Variants in TAF3 observed in about 807,000 individuals in gnomAD.
TAF3 encodes TATA-box binding protein associated factor 3.
TAF3 carries 7 observed loss-of-function variants against 80.6 expected under a neutral mutation model. The ratio of observed to expected loss-of-function variants is 0.09; its 90% CI spans 0.05 to 0.16. TAF3 has a LOEUF of 0.16. Ranked by LOEUF, TAF3 falls within the 10% of genes least tolerant of loss-of-function variation. TAF3 has a pLI of 1.00. For synonymous variants in TAF3, 444 were observed against 446.1 expected (o/e 1.00, Z 0.06); for missense variants, 921 against 1,140.2 (o/e 0.81, Z 2.77).
chr10:7,966,935 A>G (rs1253296268), intron 3 of TAF3, among the ~76,000 whole-genome samples: 1 of 152,238 alleles, frequency 6.6e-6, no homozygotes, highest in East Asian at 1.9e-4. Context: ...ACAGAAATCC[A>G]ACTCTTATTT....
chr10:7,830,098 T>C (rs1034170840), intron 2 of TAF3, among the ~76,000 whole-genome samples: 1 of 152,130 alleles, frequency 6.6e-6, no homozygotes, highest in African/African-American at 2.4e-5. Flanking sequence ...TCTTCCCGTG[T>C]GACCTTTTGC....
rs536034644 is a variant in TAF3 at position 7,963,654 on chromosome 10, T to C, written c.410-266T>C. Reference sequence around the variant, plus strand: ...GAGGGGAACATCACACATCGGCACCTGTTGGGAGGTCGGGGGCTGGGGGAG... The same window carrying C: ...GAGGGGAACATCACACATCGGCACCCGTTGGGAGGTCGGGGGCTGGGGGAG... On this transcript the variant is annotated intron_variant, in intron 2 of 6. Transcript: ENST00000344293. 1.4e-4 allele frequency among the ~76,000 whole-genome samples: 22 copies of C among 152,054 alleles called. No homozygotes were observed. The South Asian group carries it at 4.6e-3, about 32-fold the overall frequency.
chr10:7,839,643 G>A (rs1052311380), intron 2 of TAF3, among the ~76,000 whole-genome samples: 1 of 152,176 alleles, frequency 6.6e-6, no homozygotes, highest in East Asian at 1.9e-4. Context: ...TTGTATTGTG[G>A]CTCTTCGTTT....
At position 8,009,199 on chromosome 10, in the gene TAF3, G is replaced by A; in HGVS notation, c.2437G>A (p.Val813Met). 2 of 1,454,060 alleles carry A rather than the reference G, an allele frequency of 1.4e-6. No individual in the cohort carries two copies. The highest frequency in any genetic ancestry group is 1.8e-6 in the Non-Finnish European group (2 of 1,103,588). The allele number at this position is 1,454,060 out of a possible 1,614,324, so 90.1% of individuals were successfully genotyped here. A position where few individuals can be genotyped will look rare whatever the true frequency, so the allele number is the denominator to read the frequency against. Reference sequence around the variant, plus strand: ...CCCCATGCTCGTCAGCCCTGCGCCCGTGCCGCTGCCGCTGCTCGCCCAGGC... The same window carrying A: ...CCCCATGCTCGTCAGCCCTGCGCCCATGCCGCTGCCGCTGCTCGCCCAGGC... ...PGPMLVSPAPVPLPLLAQAAA... is the reference protein window; with the variant it reads ...PGPMLVSPAPMPLPLLAQAAA... The change falls in exon 5 of 7, where the codon GTG becomes ATG. Residue 813 changes from valine (V) to methionine (M), a missense_variant. Physicochemically the swap from Val to Met is conservative, Grantham distance 21. Around this residue, in one of 6 missense-constraint regions of TAF3, gnomAD observed 743 missense variants for 821.0 expected, o/e 0.90. Coordinates refer to ENST00000344293, the MANE Select transcript of TAF3 (RefSeq NM_031923.4). The surrounding 1 kb of genome is among the most constrained non-coding windows in gnomAD (Gnocchi z 4.1).
chr10:7,829,029 C>CAAAAAAA (rs59969868), intron 2 of TAF3, among the ~76,000 whole-genome samples: 3 of 66,808 alleles, frequency 4.5e-5, no homozygotes, highest in Non-Finnish European at 5.0e-5. Context: ...GACTCCGTCT[C>CAAAAAAA]AAAAAAAAAA....
chr10:7,941,090 T>A (rs1305278649), intron 2 of TAF3, among the ~76,000 whole-genome samples: 1 of 152,078 alleles, frequency 6.6e-6, no homozygotes, highest in Non-Finnish European at 1.5e-5. Context: ...GAGTAAAAGT[T>A]AGGTTGGAAA....
chr10:7,847,883 G>T (rs1164478623), intron 2 of TAF3, among the ~76,000 whole-genome samples: 1 of 152,034 alleles, frequency 6.6e-6, no homozygotes, highest in Non-Finnish European at 1.5e-5. Flanking sequence ...TTCTCCTGAG[G>T]CTGAGCCTCC....
chr10:7,920,046 G>C (rs1837747809), intron 2 of TAF3, among the ~76,000 whole-genome samples: 2 of 151,968 alleles, frequency 1.3e-5, no homozygotes, highest in African/African-American at 4.8e-5. Flanking sequence ...AGGAGTTCAA[G>C]ACCAGCCTGG....
chr10:7,887,829 A>G (rs1181622303), intron 2 of TAF3, among the ~76,000 whole-genome samples: 2 of 152,108 alleles, frequency 1.3e-5, no homozygotes, highest in South Asian at 4.1e-4. Context: ...TAAAAAAAAA[A>G]ACACCAAAAC....
At position 7,945,535 on chromosome 10, in the gene TAF3, G is replaced by T. The variant is rs552598602; in HGVS notation, c.410-18385G>T. 1.2e-3 allele frequency among the ~76,000 whole-genome samples: 180 copies of T among 152,110 alleles called. 1 individual carries two copies. The highest frequency in any genetic ancestry group is 4.2e-3 in the African/African-American group (174 of 41,466). On this transcript the variant is annotated intron_variant, in intron 2 of 6. Coordinates refer to ENST00000344293, the MANE Select transcript of TAF3 (RefSeq NM_031923.4). ...CTAGTTAAGTGGATTCCCTTTGGCCGCAGACACTCTCTAGATGCCGCAGGG... is the reference window on the plus strand; with the variant it reads ...CTAGTTAAGTGGATTCCCTTTGGCCTCAGACACTCTCTAGATGCCGCAGGG...
chr10:7,934,655 G>C (rs556188274), intron 2 of TAF3, among the ~76,000 whole-genome samples: 2 of 152,040 alleles, frequency 1.3e-5, no homozygotes, highest in African/African-American at 2.4e-5. Flanking sequence ...GTGTTGGCCA[G>C]ACTGGTCTTG....
intron 3 of TAF3, 152 bp downstream of exon 3, chr10:7,965,894 T>A: frequency 7.9e-7 from 1 of 1,264,828 alleles, no homozygotes; most frequent in Non-Finnish European, 1.0e-6. Flanking sequence ...AATTTGATTT[T>A]AATTCTAAAA....
At chr10:7,824,243 A>G (rs1836719168) in intron 1 of TAF3, 75 bp from the exon 2 acceptor site, 1 of 1,501,824 alleles carries the variant, frequency 6.7e-7, no homozygotes, top group Non-Finnish European at 9.0e-7. Context: ...TTTACTTACT[A>G]CTTTTTCTTA....
chr10:7,977,606 T>A (rs1831686735), intron 4 of TAF3, among the ~76,000 whole-genome samples: 1 of 152,216 alleles, frequency 6.6e-6, no homozygotes, highest in Non-Finnish European at 1.5e-5. Context: ...GTCCCACTTA[T>A]CTGAAAAATA....
intron 2 of TAF3, among the ~76,000 whole-genome samples, chr10:7,950,183 G>A (rs879270742): frequency 6.6e-6 from 1 of 152,162 alleles, no homozygotes; most frequent in East Asian, 1.9e-4. Flanking sequence ...TATAAATTGC[G>A]ACTCCTTATT....
intron 5 of TAF3, among the ~76,000 whole-genome samples, chr10:8,010,406 A>G (rs1333705332): frequency 6.6e-6 from 1 of 152,246 alleles, no homozygotes; most frequent in Non-Finnish European, 1.5e-5. Context: ...GAAATCTCAC[A>G]TTGAATTTCT....
chr10:7,961,336 A>G (rs979100825), intron 2 of TAF3, among the ~76,000 whole-genome samples: 1 of 152,166 alleles, frequency 6.6e-6, no homozygotes, highest in African/African-American at 2.4e-5. Context: ...GATGTTCTTT[A>G]TGATTTACTA....
chr10:7,951,955 T>G (rs1305319219), intron 2 of TAF3, among the ~76,000 whole-genome samples: 3 of 152,206 alleles, frequency 2.0e-5, no homozygotes, highest in African/African-American at 7.2e-5. Context: ...TTGCCTAATT[T>G]GTCTTATTCC....
At chr10:7,855,786 G>C (rs1837072821) in intron 2 of TAF3, among the ~76,000 whole-genome samples, 1 of 152,028 alleles carries the variant, frequency 6.6e-6, no homozygotes, top group African/African-American at 2.4e-5. Flanking sequence ...GAATTAATTT[G>C]AAATAGTTCT....
Sources: allele counts gnomAD v4.1 joint callset (sites outside exome capture counted in the v4.1 genomes callset), GRCh38; gene constraint gnomAD v4.1.1; regional missense constraint gnomAD v4.1.1; non-coding constraint Gnocchi (gnomAD v3.1); transcripts MANE v1.5; gene names NCBI Gene and HGNC (gene_info 2026-07-23, HGNC 2026-07-21).